Variants in TCERG1L observed in about 807,000 individuals in gnomAD.
TCERG1L encodes the protein transcription elongation regulator 1 like.
In TCERG1L, 37 loss-of-function variants were observed where a neutral mutation model predicts 56.3. The observed-to-expected ratio is 0.66, with a 90% CI of 0.51 to 0.87. The LOEUF (loss-of-function observed/expected upper bound fraction) is 0.87. Among genes scored for constraint, TCERG1L ranks in the 40% least tolerant of loss-of-function variants. The pLI, the probability that TCERG1L is intolerant of heterozygous loss-of-function variation, is 0.00. For missense variants in TCERG1L, 799 were observed against 774.2 expected, an observed-to-expected ratio of 1.03 and a Z score of -0.38; for synonymous variants, 324 against 326.3, an observed-to-expected ratio of 0.99 and a Z score of 0.08.
rs549386421 is a variant in TCERG1L, at chr10:131,135,120, G to A, written c.1190-672C>T. Among the ~76,000 whole-genome samples, 215 of 152,334 alleles carry A rather than the reference G, an allele frequency of 1.4e-3. 1 individual carries two copies. The highest frequency in any genetic ancestry group is 4.9e-3 in the African/African-American group (205 of 41,584). Reference sequence around the variant, plus strand: ...CCAGGAGGGAAGAGGAAAGATAAGCGTGCAGATGGTCTGGAGTGTCATCCA... The same window carrying A: ...CCAGGAGGGAAGAGGAAAGATAAGCATGCAGATGGTCTGGAGTGTCATCCA... On this transcript the variant is annotated intron_variant, in intron 7 of 11. Transcript: ENST00000368642.
chr10:131,146,313 C>A (rs749487464), intron 7 of TCERG1L, among the ~76,000 whole-genome samples, 193 bp downstream of exon 7: 1 of 152,206 alleles, frequency 6.6e-6, no homozygotes, highest in Non-Finnish European at 1.5e-5. Flanking sequence ...CAGAGCCGAC[C>A]GCTTGGAAGG....
intron 3 of TCERG1L, among the ~76,000 whole-genome samples, chr10:131,279,652 T>C (rs1846431059): frequency 6.6e-6 from 1 of 152,090 alleles, no homozygotes; most frequent in South Asian, 2.1e-4. Flanking sequence ...GAGAGAAAGC[T>C]GAGAAGGATC....
chr10:131,250,806 A>G (rs1295615439), intron 4 of TCERG1L, among the ~76,000 whole-genome samples: 2 of 152,168 alleles, frequency 1.3e-5, no homozygotes, highest in Non-Finnish European at 2.9e-5. Flanking sequence ...AACACTGACT[A>G]AACTTTCAGC....
chr10:131,231,018 T>C (rs999350084), intron 4 of TCERG1L, among the ~76,000 whole-genome samples: 1 of 151,092 alleles, frequency 6.6e-6, no homozygotes, highest in Non-Finnish European at 1.5e-5. Context: ...CTCCTAGAAC[T>C]ATGAAAGACT....
chr10:131,208,185 C>A (rs56403861), intron 4 of TCERG1L, among the ~76,000 whole-genome samples: 4,159 of 152,304 alleles, frequency 0.027, 68 homozygotes, highest in Middle Eastern at 0.044. Context: ...GATGCCTGAG[C>A]CAAAGCGGTT....
intron 4 of TCERG1L, among the ~76,000 whole-genome samples, chr10:131,224,269 G>A (rs577595453): frequency 6.6e-6 from 1 of 152,072 alleles, no homozygotes; most frequent in African/African-American, 2.4e-5. Context: ...CTTTCCAGCC[G>A]AAGTGTGCTG....
chr10:131,198,110 T>C (rs928310214), intron 4 of TCERG1L, among the ~76,000 whole-genome samples: 1 of 152,238 alleles, frequency 6.6e-6, no homozygotes, highest in Admixed American at 6.5e-5. Context: ...GACATGCCCA[T>C]GGGTGCAGCG....
chr10:131,121,710 GCC>G (rs1454777342), intron 8 of TCERG1L, among the ~76,000 whole-genome samples: 1 of 152,020 alleles, frequency 6.6e-6, no homozygotes, highest in Non-Finnish European at 1.5e-5. Context: ...AGACAGAGAT[GCC>G]CCCTCGGCCC....
At chr10:131,120,106 T>C (rs1162327053) in intron 8 of TCERG1L, among the ~76,000 whole-genome samples, 1 of 152,206 alleles carries the variant, frequency 6.6e-6, no homozygotes, top group Non-Finnish European at 1.5e-5. Context: ...CTCCCGGTTC[T>C]GTCCCTTCCC....
chr10:131,241,790 A>G (rs1845976832), intron 4 of TCERG1L, among the ~76,000 whole-genome samples: 2 of 152,088 alleles, frequency 1.3e-5, no homozygotes, highest in Non-Finnish European at 2.9e-5. Context: ...GAAAATGCCC[A>G]TGGAGGTTTC....
chr10:131,094,487 A>C (rs1390745442), intron 11 of TCERG1L, among the ~76,000 whole-genome samples: 4 of 152,194 alleles, frequency 2.6e-5, no homozygotes, highest in African/African-American at 9.6e-5. Flanking sequence ...CAAGACAAAT[A>C]ATTAGCAGAC....
intron 3 of TCERG1L, among the ~76,000 whole-genome samples, chr10:131,303,346 G>A (rs1323374817): frequency 6.6e-6 from 1 of 152,074 alleles, no homozygotes; most frequent in Non-Finnish European, 1.5e-5. Context: ...GTATCTCAGT[G>A]TGGTTTTGAT....
At chr10:131,114,754 A>G (rs1264152470) in intron 9 of TCERG1L, among the ~76,000 whole-genome samples, 1 of 152,156 alleles carries the variant, frequency 6.6e-6, no homozygotes, top group Non-Finnish European at 1.5e-5. Flanking sequence ...TGTGTTGGTA[A>G]ATTGGGCCTG....
chr10:131,248,255 T>A (rs1307614463), intron 4 of TCERG1L, among the ~76,000 whole-genome samples: 1 of 134,538 alleles, frequency 7.4e-6, no homozygotes, highest in Admixed American at 8.0e-5. Flanking sequence ...CACACACTGA[T>A]AAACTCACAC....
chr10:131,101,199 A>G (rs1271499479), intron 10 of TCERG1L, among the ~76,000 whole-genome samples: 2 of 152,192 alleles, frequency 1.3e-5, no homozygotes, highest in Non-Finnish European at 2.9e-5. Flanking sequence ...CCAGCCTCAC[A>G]GTGCTCCCTT....
At chr10:131,125,400 T>C (rs1161031404) in intron 8 of TCERG1L, among the ~76,000 whole-genome samples, 1 of 152,220 alleles carries the variant, frequency 6.6e-6, no homozygotes. Context: ...TGGGAATTTA[T>C]CATCAAAATA....
intron 3 of TCERG1L, among the ~76,000 whole-genome samples, chr10:131,279,885 C>T (rs567169904): frequency 2.0e-5 from 3 of 152,092 alleles, no homozygotes; most frequent in Admixed American, 6.5e-5. Context: ...GCTACTCTCT[C>T]GGGGGCACAC....
intron 6 of TCERG1L, among the ~76,000 whole-genome samples, chr10:131,153,902 CATGGAGTTGAACCAGAGCGGGT>C (rs1236018514): frequency 1.3e-5 from 2 of 152,168 alleles, no homozygotes; most frequent in African/African-American, 4.8e-5. Context: ...TGGGGAAATG[CATGGAGTTGAACCAGAGCGGGT>C]ATGGAGTTGA....
At chr10:131,293,686 C>A (rs943091545) in intron 3 of TCERG1L, among the ~76,000 whole-genome samples, 1 of 152,096 alleles carries the variant, frequency 6.6e-6, no homozygotes, top group Admixed American at 6.6e-5. Flanking sequence ...TGCTCCTGAC[C>A]GAAATCCACC....
Sources: allele counts gnomAD v4.1 joint callset (sites outside exome capture counted in the v4.1 genomes callset), GRCh38; gene constraint gnomAD v4.1.1; transcripts MANE v1.5; gene names NCBI Gene and HGNC (gene_info 2026-07-23, HGNC 2026-07-21).